The following KLK4 variants were observed in gnomAD, a reference collection of about 807,000 sequenced individuals.
The protein encoded by KLK4 is kallikrein-4.
Under a neutral mutation model 24.3 loss-of-function variants are expected in KLK4, and 24 were observed. The observed-to-expected ratio is 0.99, with a 90% CI of 0.72 to 1.39. KLK4 has a LOEUF of 1.39. Ranked by LOEUF, KLK4 falls within the 40% of genes most tolerant of loss-of-function variation. The probability of loss-of-function intolerance (pLI) is 0.00; values close to 1 mark genes in which losing one functional copy is unlikely to be tolerated. For missense variants in KLK4, 344 were observed against 327.4 expected (o/e 1.05, Z -0.39); for synonymous variants, 142 against 138.8 (o/e 1.02, Z -0.16).
At chr19:50,909,655 TGGGGGCGGGCCCA>T (rs1396663779) in intron 2 of KLK4, among the ~76,000 whole-genome samples, 1 of 89,972 alleles carries the variant, frequency 1.1e-5, no homozygotes, top group Non-Finnish European at 2.4e-5. Flanking sequence ...GAGTCAGGGC[TGGGGGCGGGCCCA>T]GGGGGCGGAC....
exon 5 of KLK4, chr19:50,908,482 G>C: frequency 1.2e-6 from 2 of 1,614,158 alleles, no homozygotes; most frequent in Non-Finnish European, 1.7e-6. Context: ...ACTGCAGCAC[G>C]GTAGGCATTC....
intron 1 of KLK4, among the ~76,000 whole-genome samples, chr19:50,911,117 C>T (rs2090484940): frequency 6.6e-6 from 1 of 152,124 alleles, no homozygotes; most frequent in Non-Finnish European, 1.5e-5. Flanking sequence ...GAGAGATATC[C>T]TCAGAGACAG....
chr19:50,908,086 C>T (rs2090449302), intron 5 of KLK4: 2 of 529,344 alleles, frequency 3.8e-6, no homozygotes, highest in Non-Finnish European at 6.8e-6. Flanking sequence ...GGGTGGAGGT[C>T]ACCGCCCTCA....
intron 2 of KLK4, among the ~76,000 whole-genome samples, chr19:50,909,931 T>G (rs2090472605): frequency 6.6e-6 from 1 of 151,074 alleles, no homozygotes; most frequent in African/African-American, 2.4e-5. Context: ...GGGTTATGGC[T>G]AGAGGCAGTC....
exon 3 of KLK4, chr19:50,909,391 T>G (rs757920481): frequency 1.9e-6 from 3 of 1,614,004 alleles, no homozygotes; most frequent in African/African-American, 2.7e-5. Flanking sequence ...ATGATTTGGC[T>G]GCAGCTACCA....
chr19:50,906,887 G>A (rs367599265), exon 6 of KLK4: 160 of 1,610,092 alleles, frequency 9.9e-5, no homozygotes, highest in Admixed American at 3.5e-4. Flanking sequence ...AATTCCTTCC[G>A]CAGGATGTAT....
rs2090476948 is a variant in KLK4 at position 50,910,334 on chromosome 19, C to T, written c.61+344G>A. ...CAGGACTGAAGACCCAGGAAGCAGG[C>T]ACAGATTCCCAGCAATGGATCACGC... is the stretch of plus-strand genomic sequence containing the variant. On this transcript the variant is annotated intron_variant, in intron 2 of 5. Coordinates refer to ENST00000324041, the Ensembl canonical transcript of KLK4. The surrounding 1 kb of genome is among the most constrained non-coding windows in gnomAD (Gnocchi z 4.4). 6.6e-6 allele frequency among the ~76,000 whole-genome samples: 1 copy of T among 152,018 alleles called. No individual in the cohort carries two copies. The highest frequency in any genetic ancestry group is 2.4e-5 in the African/African-American group (1 of 41,360).
At chr19:50,908,974 C>G in intron 3 of KLK4, 145 bp from the exon 4 acceptor site, 1 of 1,510,860 alleles carries the variant, frequency 6.6e-7, no homozygotes, top group Non-Finnish European at 8.8e-7. Context: ...ACCATGGTCT[C>G]AAATCCTCAT....
exon 6 of KLK4, chr19:50,906,922 C>T (rs778407281): frequency 4.7e-5 from 76 of 1,613,992 alleles, no homozygotes; most frequent in Non-Finnish European, 6.1e-5. Flanking sequence ...CATGGGTTCC[C>T]AGTCCCCAGA....
At chr19:50,908,749 G>C in exon 4 of KLK4, 1 of 1,614,088 alleles carries the variant, frequency 6.2e-7, no homozygotes, top group Non-Finnish European at 8.5e-7. Context: ...GTGCCGTACG[G>C]AGAGGCTGGC....
exon 5 of KLK4, chr19:50,908,412 G>A: frequency 6.2e-7 from 1 of 1,614,098 alleles, no homozygotes; most frequent in Non-Finnish European, 8.5e-7. Context: ...ATGCTGGGGT[G>A]GTACAGCGGG....
rs198968 is a variant in KLK4 at position 50,910,072 on chromosome 19, A to G, written c.61+606T>C. On this transcript the variant is annotated intron_variant, in intron 2 of 5. Transcript: ENST00000324041. The surrounding 1 kb of genome is among the most constrained non-coding windows in gnomAD (Gnocchi z 4.4). ...CAACAGAGGAGTCTAGGCTCATAGC[A>G]GTAGGATCGGGTCCTTCGGGGTGAA... 0.79 allele frequency among the ~76,000 whole-genome samples: 119,676 copies of G among 151,792 alleles called. 47,969 individuals are homozygous for G. Among genetic ancestry groups the G allele is most frequent in the Middle Eastern group, 0.91 (268 of 294 alleles).
At chr19:50,907,054 C>G in exon 6 of KLK4, 3 of 1,614,156 alleles carry the variant, frequency 1.9e-6, no homozygotes, top group Non-Finnish European at 2.5e-6. Context: ...CCTGCAAGTA[C>G]CCGTTGCAGA....
rs1484385684 is a variant in KLK4, at chr19:50,906,917, G to A, written c.*17C>T. The A allele has an allele frequency of 3.1e-6, 5 of 1,614,076 alleles. No homozygotes were observed. The East Asian group carries it at 6.7e-5, about 22-fold the overall frequency. ...ATGTATTTGGGGGTCAATTTCATGGGTTCCCAGTCCCCAGAGTTAACTGGC... is the reference window on the plus strand; with the variant it reads ...ATGTATTTGGGGGTCAATTTCATGGATTCCCAGTCCCCAGAGTTAACTGGC... On this transcript the variant is annotated 3_prime_UTR_variant, in exon 6 of 6. Transcript: ENST00000324041.
intron 1 of KLK4, among the ~76,000 whole-genome samples, 43 bp downstream of exon 1, chr19:50,911,296 T>C (rs984350469): frequency 2.0e-5 from 3 of 152,198 alleles, no homozygotes; most frequent in African/African-American, 4.8e-5. Context: ...AGTTGGATCA[T>C]GAACACTGCA....
chr19:50,909,288 G>C, exon 3 of KLK4: 1 of 1,614,184 alleles, frequency 6.2e-7, no homozygotes, highest in Non-Finnish European at 8.5e-7. Context: ...CACCCACTGC[G>C]GATGCACCAG....
rs948164832 is a variant in KLK4, at chr19:50,910,155, C to T, written c.61+523G>A. ...GCAAGGATCGGGTCACTTGTCTGCG[C>T]AGACTGATGCTCAAAGAGTCGGTCC... On this transcript the variant is annotated intron_variant, in intron 2 of 5. Coordinates refer to ENST00000324041, the Ensembl canonical transcript of KLK4. The surrounding 1 kb of genome is among the most constrained non-coding windows in gnomAD (Gnocchi z 4.4). 3.3e-5 allele frequency among the ~76,000 whole-genome samples: 5 copies of T among 151,986 alleles called. No individual in the cohort carries two copies. The highest frequency in any genetic ancestry group is 1.3e-4 in the Admixed American group (2 of 15,270).
chr19:50,907,330 G>C (rs2090441727), intron 5 of KLK4, among the ~76,000 whole-genome samples: 1 of 150,974 alleles, frequency 6.6e-6, no homozygotes, highest in Admixed American at 6.6e-5. Context: ...GTCTGTTTCT[G>C]TTTGTCTGTC....
chr19:50,908,353 T>C lies in KLK4; in HGVS notation c.612+6A>G, dbSNP rs2090451995. On this transcript the variant is annotated splice_donor_region_variant and intron_variant, in intron 5 of 5. Transcript: ENST00000324041. ...GTCGCCTGCCCTCCCCTTTCCCCTC[T>C]CTCACGTTGCAGGAGTCCTTCTGGT... is the stretch of plus-strand genomic sequence containing the variant. 1 of 1,612,498 alleles carries C rather than the reference T, an allele frequency of 6.2e-7. No homozygotes were observed.
Sources: gnomAD v4.1 joint callset for allele counts (sites outside exome capture counted in the v4.1 genomes callset) on GRCh38, gnomAD v4.1.1 for gene constraint, Gnocchi (gnomAD v3.1) non-coding constraint, MANE v1.5 for transcripts, NCBI Gene and HGNC (gene_info 2026-07-23, HGNC 2026-07-21) for gene names.